The following WDR26 variants were observed in gnomAD, a reference collection of about 807,000 sequenced individuals.
WDR26 encodes WD repeat-containing protein 26.
In WDR26, 5 loss-of-function variants were observed where a neutral mutation model predicts 84.1. The observed-to-expected ratio is 0.06, with a 90% CI of 0.03 to 0.13. WDR26 has a LOEUF of 0.13. Among genes scored for constraint, WDR26 ranks in the 10% least tolerant of loss-of-function variants. WDR26 has a pLI of 1.00. For synonymous variants in WDR26, 415 were observed against 389.6 expected (o/e 1.07, Z -0.77); for missense variants, 642 against 974.9 (o/e 0.66, Z 4.55).
At chr1:224,431,905 T>C in intron 1 of WDR26, 124 bp from the exon 2 acceptor site, 1 of 699,874 alleles carries the variant, frequency 1.4e-6, no homozygotes, top group African/African-American at 1.8e-5. Flanking sequence ...AAGAAAAAAA[T>C]AGCTTTCATG....
intron 6 of WDR26, among the ~76,000 whole-genome samples, chr1:224,413,702 T>C (rs1673803946): frequency 6.6e-6 from 1 of 152,232 alleles, no homozygotes; most frequent in Admixed American, 6.5e-5. Flanking sequence ...ACCAGTTTTC[T>C]TTCCAAATAC....
chr1:224,407,141 A>ATATATATAT (rs1553355668), intron 7 of WDR26, among the ~76,000 whole-genome samples: 1 of 35,596 alleles, frequency 2.8e-5, no homozygotes, highest in African/African-American at 1.2e-4. Context: ...AAAAAAAAAA[A>ATATATATAT]AAAAAAAAAA....
At chr1:224,431,442 C>T (rs1307305850) in intron 3 of WDR26, 35 bp downstream of exon 3, 6 of 1,583,202 alleles carry the variant, frequency 3.8e-6, no homozygotes, top group Non-Finnish European at 4.3e-6. Flanking sequence ...CTAAAATAAG[C>T]ATAAATGTGA....
chr1:224,411,523 A>G lies in WDR26; in HGVS notation c.1362T>C (p.His454=), dbSNP rs145087432. Residue 454 remains histidine (H), a synonymous_variant, in exon 7 of 14, where the codon CAT becomes CAC. Coordinates refer to ENST00000414423, the MANE Select transcript of WDR26 (RefSeq NM_001379403.1). Reference sequence around the variant, plus strand: ...ATTTACAGAACCACACTTCATTACAATGCTCCGTAAGTATCTGCTGCGTAT... The same window carrying G: ...ATTTACAGAACCACACTTCATTACAGTGCTCCGTAAGTATCTGCTGCGTAT... 1.7e-5 allele frequency: 27 copies of G among 1,613,192 alleles called. No individual in the cohort carries two copies. Among genetic ancestry groups the G allele is most frequent in the African/African-American group, 9.3e-5 (7 of 75,016 alleles).
chr1:224,426,666 CA>C (rs573328756), intron 3 of WDR26, among the ~76,000 whole-genome samples: 6,013 of 104,114 alleles, frequency 0.058, 154 homozygotes, highest in East Asian at 0.13. Context: ...CTAAACAATG[CA>C]AAAAAAAAAA....
Position 224,386,735 on chromosome 1 carries a change from C to G in WDR26, c.*3100G>C, listed in dbSNP as rs548752853. 5 of 152,064 alleles carry G rather than the reference C, an allele frequency of 3.3e-5. No individual in the cohort carries two copies. Among genetic ancestry groups the G allele is most frequent in the African/African-American group, 9.6e-5 (4 of 41,488 alleles). 9.4% of individuals were successfully genotyped at this position (152,064 alleles called of 1,614,324 possible). On this transcript the variant is annotated 3_prime_UTR_variant, in exon 14 of 14. Coordinates refer to ENST00000414423, the MANE Select transcript of WDR26 (RefSeq NM_001379403.1). ...GGAATCCCTTTTTTATCCCCCCACC[C>G]AATAAAATGGGCCAATTTGTAGGGA...
chr1:224,398,391 A>G, intron 11 of WDR26, 124 bp downstream of exon 11: 1 of 1,196,080 alleles, frequency 8.4e-7, no homozygotes, highest in Non-Finnish European at 1.2e-6. Flanking sequence ...TTAAGGATCA[A>G]TCACATGCAA....
chr1:224,385,694 CT>C lies in WDR26; in HGVS notation c.*4140del, dbSNP rs892159438. On this transcript the variant is annotated 3_prime_UTR_variant, in exon 14 of 14. Transcript: ENST00000414423. ...TACATGCTTTTGTGGATCTATTCCC[CT>C]CGCCACACACACACATTTTCAAGGA... The C allele has an allele frequency of 2.0e-5, 3 of 152,618 alleles. No homozygotes were observed. Among genetic ancestry groups the C allele is most frequent in the African/African-American group, 7.2e-5 (3 of 41,420 alleles). 9.5% of individuals were successfully genotyped at this position (152,618 alleles called of 1,614,324 possible).
intron 13 of WDR26, 42 bp from the exon 14 acceptor site, chr1:224,389,902 G>GAA: frequency 2.7e-6 from 1 of 376,262 alleles, no homozygotes; most frequent in South Asian, 2.4e-5. Context: ...GCGGGCGGGG[G>GAA]AGGGAAGAGG....
chr1:224,434,139 T>C lies in WDR26; in HGVS notation c.267A>G (p.Arg89=), dbSNP rs1674522128. 1.4e-6 allele frequency: 2 copies of C among 1,418,824 alleles called. No individual in the cohort carries two copies. Among genetic ancestry groups the C allele is most frequent in the Non-Finnish European group, 1.8e-6 (2 of 1,089,972 alleles). The allele number at this position is 1,418,824 out of a possible 1,614,324, so 87.9% of individuals were successfully genotyped here. The change falls in exon 1 of 14, where the codon CGA becomes CGG. Residue 89 remains arginine (R), a synonymous_variant. Transcript: ENST00000414423. ...CGCTGACCAGGCTGTGGCCGCTACTTCGGTGGGGGACAGCAGCGGCGGCGG... is the reference window on the plus strand; with the variant it reads ...CGCTGACCAGGCTGTGGCCGCTACTCCGGTGGGGGACAGCAGCGGCGGCGG...
intron 12 of WDR26, among the ~76,000 whole-genome samples, chr1:224,396,301 C>T (rs942858527): frequency 6.6e-6 from 1 of 151,876 alleles, no homozygotes; most frequent in Non-Finnish European, 1.5e-5. Flanking sequence ...ATTTTAAGTA[C>T]CTCTAGGGTA....
At chr1:224,389,932 A>G in intron 13 of WDR26, 72 bp from the exon 14 acceptor site, 1 of 1,209,382 alleles carries the variant, frequency 8.3e-7, no homozygotes, top group South Asian at 1.4e-5. Context: ...GAAAAAAATT[A>G]CCAGTTAGAA....
chr1:224,410,566 G>C (rs887298785), intron 7 of WDR26, among the ~76,000 whole-genome samples: 1 of 152,018 alleles, frequency 6.6e-6, no homozygotes, highest in Non-Finnish European at 1.5e-5. Context: ...GAAAACAAAG[G>C]GGGAAAGGAT....
Position 224,389,813 on chromosome 1 carries a change from G to A in WDR26, c.*22C>T. Reference sequence around the variant, plus strand: ...ACGACTAATTTTAAGTTAAACAGAAGTCGTCTGCTCCAAATTCACCATCAA... The same window carrying A: ...ACGACTAATTTTAAGTTAAACAGAAATCGTCTGCTCCAAATTCACCATCAA... On this transcript the variant is annotated 3_prime_UTR_variant, in exon 14 of 14. Transcript: ENST00000414423. The A allele has an allele frequency of 6.5e-7, 1 of 1,539,120 alleles. No individual in the cohort carries two copies. Among genetic ancestry groups the A allele is most frequent in the Non-Finnish European group, 8.8e-7 (1 of 1,136,118 alleles).
In WDR26 at chr1:224,433,897, T is replaced by C. The variant is rs1674500112; in HGVS notation, c.509A>G (p.Asn170Ser). The change falls in exon 1 of 14, where the codon AAT becomes AGT. Residue 170 changes from asparagine (N) to serine (S), a missense_variant. Physicochemically the swap from Asn to Ser is conservative, Grantham distance 46. This residue lies in a region of WDR26 where 291 missense variants were observed against 302.1 expected (regional missense o/e 0.96). Transcript: ENST00000414423. ...GTTATTGACATTCAGGCTGTTGCTA[T>C]TGTTGCTGGCGGCGGAGGGGGCGGA... 9 of 1,536,660 alleles carry C rather than the reference T, an allele frequency of 5.9e-6. No individual in the cohort carries two copies. Among genetic ancestry groups the C allele is most frequent in the Non-Finnish European group, 7.0e-6 (8 of 1,146,698 alleles).
chr1:224,410,982 G>A (rs536233275), intron 7 of WDR26, among the ~76,000 whole-genome samples: 2 of 152,192 alleles, frequency 1.3e-5, no homozygotes, highest in African/African-American at 4.8e-5. Context: ...ATGAGCCACC[G>A]TGCCTGGCCT....
Position 224,433,743 on chromosome 1 carries a change from G to A in WDR26, c.663C>T (p.Ser221=). Residue 221 remains serine, a synonymous_variant, in exon 1 of 14, where the codon TCC becomes TCT. Transcript: ENST00000414423. ...GCCTAATGACATCCTCATCTGACTG[G>A]GAGAGCCGCTTCTTCTTCTTGAGGC... 2 of 1,536,278 alleles carry A rather than the reference G, an allele frequency of 1.3e-6. No individual in the cohort carries two copies. Among genetic ancestry groups the A allele is most frequent in the Non-Finnish European group, 1.7e-6 (2 of 1,146,376 alleles).
In WDR26 at chr1:224,387,324, T is replaced by C. The variant is rs548137193; in HGVS notation, c.*2511A>G. ...CATAAAATCCTAGGCTTCTTTACCA[T>C]TGATTTCACCTTTCGAGCACAGTCA... is the stretch of plus-strand genomic sequence containing the variant. On this transcript the variant is annotated 3_prime_UTR_variant, in exon 14 of 14. Transcript: ENST00000414423. The C allele has an allele frequency of 7.2e-5, 11 of 152,674 alleles. No homozygotes were observed. The East Asian group carries it at 1.9e-3, about 27-fold the overall frequency. The allele number at this position is 152,674 out of a possible 1,614,324, so 9.5% of individuals were successfully genotyped here.
In WDR26 at chr1:224,411,642, C is replaced by A. The variant is rs1673738914; in HGVS notation, c.1320-77G>T. 7 of 1,410,064 alleles carry A rather than the reference C, an allele frequency of 5.0e-6. No homozygotes were observed. In the East Asian group the frequency reaches 7.6e-5, roughly 15 times the overall value. The allele number at this position is 1,410,064 out of a possible 1,614,324, so 87.3% of individuals were successfully genotyped here. A position where few individuals can be genotyped will look rare whatever the true frequency, so the allele number is the denominator to read the frequency against. Reference sequence around the variant, plus strand: ...ATAATAAAAAAGGTTAAATAACTGACAAAACTTCTTTGAAGATCACATCAC... The same window carrying A: ...ATAATAAAAAAGGTTAAATAACTGAAAAAACTTCTTTGAAGATCACATCAC... On this transcript the variant is annotated intron_variant, in intron 6 of 13. Coordinates refer to ENST00000414423, the MANE Select transcript of WDR26 (RefSeq NM_001379403.1).
Sources: gnomAD v4.1 joint callset for allele counts (sites outside exome capture counted in the v4.1 genomes callset) on GRCh38, gnomAD v4.1.1 for gene constraint, gnomAD v4.1.1 regional missense constraint, MANE v1.5 for transcripts, NCBI Gene and HGNC (gene_info 2026-07-23, HGNC 2026-07-21) for gene names.